ITCH: variants seen among roughly 807,000 people sequenced by gnomAD.
The protein encoded by ITCH is itchy E3 ubiquitin protein ligase.
Under a neutral mutation model 126.8 loss-of-function variants are expected in ITCH, and 28 were observed. That is an observed-to-expected ratio of 0.22 (90% CI 0.16 to 0.30). The LOEUF (loss-of-function observed/expected upper bound fraction) is 0.30, where lower values mean the gene tolerates loss of function less well. Among genes scored for constraint, ITCH ranks in the 10% least tolerant of loss-of-function variants. The pLI is 1.00. For missense variants in ITCH, 631 were observed against 1,032.4 expected, an observed-to-expected ratio of 0.61 and a Z score of 5.33; for synonymous variants, 342 against 340.0, an observed-to-expected ratio of 1.01 and a Z score of -0.06.
intron 14 of ITCH, among the ~76,000 whole-genome samples, chr20:34,466,033 G>C (rs982358984): frequency 6.6e-6 from 1 of 152,092 alleles, no homozygotes; most frequent in Admixed American, 6.5e-5. Flanking sequence ...GATGTTTGCT[G>C]TTAGATTTTT....
chr20:34,376,095 CAA>C (rs1401263052), intron 2 of ITCH, among the ~76,000 whole-genome samples: 3 of 152,070 alleles, frequency 2.0e-5, no homozygotes, highest in African/African-American at 7.2e-5. Flanking sequence ...GTGGGCCAAA[CAA>C]ATTACCACTG....
chr20:34,412,968 A>C (rs1369215926), intron 5 of ITCH, among the ~76,000 whole-genome samples: 1 of 152,192 alleles, frequency 6.6e-6, no homozygotes, highest in Non-Finnish European at 1.5e-5. Flanking sequence ...GAGACAAATC[A>C]AATGAATATT....
At chr20:34,379,428 T>G (rs985473500) in intron 2 of ITCH, among the ~76,000 whole-genome samples, 1 of 152,094 alleles carries the variant, frequency 6.6e-6, no homozygotes, top group Non-Finnish European at 1.5e-5. Context: ...CCACTATCGG[T>G]CTCTAGAACT....
intron 13 of ITCH, among the ~76,000 whole-genome samples, chr20:34,461,799 AT>A (rs1314747841): frequency 1.3e-5 from 2 of 150,900 alleles, no homozygotes; most frequent in Non-Finnish European, 3.0e-5. Flanking sequence ...GAACGTGAAG[AT>A]TTCTAAGGCA....
chr20:34,393,807 G>C lies in ITCH; in HGVS notation c.-5G>C. ...CATGTTCAGGTTTTCCAACCTATTGGTGGTATGTCTGACAGTGGATCACAA... is the reference window on the plus strand; with the variant it reads ...CATGTTCAGGTTTTCCAACCTATTGCTGGTATGTCTGACAGTGGATCACAA... On this transcript the variant is annotated 5_prime_UTR_variant, in exon 3 of 25. Coordinates refer to ENST00000374864, the MANE Select transcript of ITCH (RefSeq NM_031483.7). 1 of 1,611,746 alleles carries C rather than the reference G, an allele frequency of 6.2e-7. No homozygotes were observed. The highest frequency in any genetic ancestry group is 8.5e-7 in the Non-Finnish European group (1 of 1,177,890).
At chr20:34,368,103 C>T (rs1249970667) in intron 1 of ITCH, among the ~76,000 whole-genome samples, 2 of 152,092 alleles carry the variant, frequency 1.3e-5, no homozygotes, top group Non-Finnish European at 2.9e-5. Context: ...ACCCCCATCT[C>T]TACTAAAATA....
chr20:34,479,799 G>C lies in ITCH; in HGVS notation c.1818+10G>C. On this transcript the variant is annotated intron_variant, in intron 18 of 24. Coordinates refer to ENST00000374864, the MANE Select transcript of ITCH (RefSeq NM_031483.7). The stretch of plus-strand genomic sequence containing the variant: ...CAGATTTATTGCCATGGTAAGTGCA[G>C]GTCAAGAATTATGTTTACTTTGCTT... The C allele has an allele frequency of 6.2e-7, 1 of 1,611,776 alleles. No homozygotes were observed. The highest frequency in any genetic ancestry group is 8.5e-7 in the Non-Finnish European group (1 of 1,178,546).
At chr20:34,430,797 A>T (rs532734939) in intron 7 of ITCH, among the ~76,000 whole-genome samples, 10 of 152,150 alleles carry the variant, frequency 6.6e-5, no homozygotes, top group African/African-American at 1.9e-4. Context: ...TGAACAGGAG[A>T]TTGTATGATC....
In ITCH at chr20:34,510,028, T is replaced by C. The variant is rs1338334605; in HGVS notation, c.*2234T>C. The C allele has an allele frequency of 6.6e-6, 1 of 152,616 alleles. No individual in the cohort carries two copies. The highest frequency in any genetic ancestry group is 2.4e-5 in the African/African-American group (1 of 41,444). The allele number at this position is 152,616 out of a possible 1,614,324, so 9.5% of individuals were successfully genotyped here. ...TGCCCTATATTTTTAAAATACAGAA[T>C]AGTTATATTTGAAGTAGCCCTGGCC... is the stretch of plus-strand genomic sequence containing the variant. On this transcript the variant is annotated 3_prime_UTR_variant, in exon 25 of 25. Coordinates refer to ENST00000374864, the MANE Select transcript of ITCH (RefSeq NM_031483.7).
intron 14 of ITCH, among the ~76,000 whole-genome samples, chr20:34,465,712 G>A (rs372512316): frequency 7.2e-5 from 11 of 151,946 alleles, no homozygotes; most frequent in African/African-American, 2.2e-4. Context: ...TTTTTATATT[G>A]TTTATTCTTA....
intron 8 of ITCH, among the ~76,000 whole-genome samples, chr20:34,439,500 C>G (rs527299439): frequency 1.3e-5 from 2 of 152,280 alleles, no homozygotes; most frequent in South Asian, 4.1e-4. Flanking sequence ...GTCTGGAGCT[C>G]CTGAGCTGAA....
At chr20:34,374,732 ATTT>A (rs200015917) in intron 2 of ITCH, among the ~76,000 whole-genome samples, 3 of 140,020 alleles carry the variant, frequency 2.1e-5, no homozygotes, top group African/African-American at 2.6e-5. Context: ...TTGGCTTACA[ATTT>A]TTTTTTTTTT....
intron 9 of ITCH, among the ~76,000 whole-genome samples, chr20:34,441,376 T>A (rs1055433614): frequency 6.6e-6 from 1 of 152,200 alleles, no homozygotes; most frequent in African/African-American, 2.4e-5. Flanking sequence ...TTTAAGATTA[T>A]TTTCATAGAT....
At chr20:34,370,772 C>T (rs2037593673) in intron 2 of ITCH, among the ~76,000 whole-genome samples, 1 of 151,292 alleles carries the variant, frequency 6.6e-6, no homozygotes, top group Non-Finnish European at 1.5e-5. Flanking sequence ...TTTAAAAGGT[C>T]AGGAGAGAAG....
chr20:34,477,947 T>G, intron 17 of ITCH, 87 bp downstream of exon 17: 5 of 1,556,074 alleles, frequency 3.2e-6, no homozygotes, highest in Middle Eastern at 1.7e-4. Context: ...TTTCTCAATC[T>G]TATATTTTAG....
chr20:34,405,421 C>T (rs2146130031), intron 3 of ITCH, among the ~76,000 whole-genome samples: 1 of 152,188 alleles, frequency 6.6e-6, no homozygotes, highest in South Asian at 2.1e-4. Flanking sequence ...AGGAGAATCG[C>T]TTGAACCCGG....
At position 34,424,414 on chromosome 20, in the gene ITCH, A is replaced by G. The variant is rs544167472; in HGVS notation, c.476-66A>G. ...AAGGCTTTGCTTACATGGCATGTTTAGAAAAGAAAAAACATGAAAACTACT... is the reference window on the plus strand; with the variant it reads ...AAGGCTTTGCTTACATGGCATGTTTGGAAAAGAAAAAACATGAAAACTACT... On this transcript the variant is annotated intron_variant, in intron 6 of 24. Coordinates refer to ENST00000374864, the MANE Select transcript of ITCH (RefSeq NM_031483.7). 185 of 1,242,358 alleles carry G rather than the reference A, an allele frequency of 1.5e-4. 1 individual carries two copies. The East Asian group carries it at 4.2e-3, about 28-fold the overall frequency. The allele number at this position is 1,242,358 out of a possible 1,614,324, so 77.0% of individuals were successfully genotyped here.
At position 34,511,593 on chromosome 20, in the gene ITCH, A is replaced by G. The variant is rs1214238690; in HGVS notation, c.*3799A>G. ...GTTGGACTGCTTATTCTCGCAGCCCAATAATGAGGTGCAGATGAACTGAGA... is the reference window on the plus strand; with the variant it reads ...GTTGGACTGCTTATTCTCGCAGCCCGATAATGAGGTGCAGATGAACTGAGA... On this transcript the variant is annotated 3_prime_UTR_variant, in exon 25 of 25. Coordinates refer to ENST00000374864, the MANE Select transcript of ITCH (RefSeq NM_031483.7). Among the ~76,000 whole-genome samples the G allele has an allele frequency of 1.3e-5, 2 of 152,192 alleles. No individual in the cohort carries two copies. Among genetic ancestry groups the G allele is most frequent in the African/African-American group, 4.8e-5 (2 of 41,444 alleles).
intron 3 of ITCH, chr20:34,402,595 G>C (rs2038925883): frequency 3.0e-6 from 2 of 665,768 alleles, no homozygotes; most frequent in African/African-American, 3.6e-5. Context: ...AATTGTTATT[G>C]CATAGTTGTC....
Sources: gnomAD v4.1 joint callset for allele counts (sites outside exome capture counted in the v4.1 genomes callset) on GRCh38, gnomAD v4.1.1 for gene constraint, MANE v1.5 for transcripts, NCBI Gene and HGNC (gene_info 2026-07-23, HGNC 2026-07-21) for gene names.